The following ABHD3 variants were observed in gnomAD, a reference collection of about 807,000 sequenced individuals.
ABHD3 encodes the protein abhydrolase domain containing 3, phospholipase.
A neutral mutation model predicts 48.8 loss-of-function variants in ABHD3; 46 were observed. The observed-to-expected ratio is 0.94, with a 90% confidence interval of 0.74 to 1.20. ABHD3 has a LOEUF of 1.20. Ranked by LOEUF, ABHD3 falls within the 50% of genes most tolerant of loss-of-function variation. ABHD3 has a pLI of 0.00. For missense variants in ABHD3, 490 were observed against 497.8 expected (o/e 0.98, Z 0.15); for synonymous variants, 192 against 183.7 (o/e 1.04, Z -0.36).
At chr18:21,689,441 T>C (rs529365311) in intron 3 of ABHD3, among the ~76,000 whole-genome samples, 1 of 147,236 alleles carries the variant, frequency 6.8e-6, no homozygotes, top group South Asian at 2.1e-4. Context: ...CCCAGCTACT[T>C]GGGAGGCTGA....
chr18:21,675,262 G>GTTT (rs61119109), intron 4 of ABHD3, among the ~76,000 whole-genome samples: 145 of 85,470 alleles, frequency 1.7e-3, no homozygotes, highest in Non-Finnish European at 2.3e-3. Flanking sequence ...AATGAGGTGG[G>GTTT]TTTTTTTTTT....
At chr18:21,659,484 G>T in intron 5 of ABHD3, 141 bp from the exon 6 acceptor site, 1 of 744,540 alleles carries the variant, frequency 1.3e-6, no homozygotes, top group Non-Finnish European at 2.1e-6. Context: ...GGAAAAGCAT[G>T]CAAGCATCTT....
At chr18:21,672,634 T>A (rs1401604905) in intron 4 of ABHD3, among the ~76,000 whole-genome samples, 1 of 152,214 alleles carries the variant, frequency 6.6e-6, no homozygotes, top group Non-Finnish European at 1.5e-5. Context: ...ATAGGACTAA[T>A]TATGCTCCTT....
In ABHD3 at chr18:21,691,781, A is replaced by G. The variant is rs536692540; in HGVS notation, c.510-7816T>C. On this transcript the variant is annotated intron_variant, in intron 3 of 8. Transcript: ENST00000289119. ...AGTCCCAATGATATCACAGGTATGC[A>G]TTATCATATTAAGCAACAATCATGG... Among the ~76,000 whole-genome samples, 7 of 152,308 alleles carry G rather than the reference A, an allele frequency of 4.6e-5. No homozygotes were observed. In the South Asian group the frequency reaches 1.4e-3, roughly 32 times the overall value.
In ABHD3 at chr18:21,702,516, G is replaced by A; in HGVS notation, c.327-18C>T. 6.5e-7 allele frequency: 1 copy of A among 1,541,238 alleles called. No homozygotes were observed. The highest frequency in any genetic ancestry group is 1.4e-5 in the African/African-American group (1 of 72,656). ...TAAGTTCACTGAAAGGAATAATTCA[G>A]AAGACATTACTATTTACATGTTTTA... On this transcript the variant is annotated intron_variant, in intron 2 of 8. Coordinates refer to ENST00000289119, the MANE Select transcript of ABHD3 (RefSeq NM_138340.5).
chr18:21,700,980 C>CCAAGCCT lies in ABHD3; in HGVS notation c.509+1329_509+1335dup, dbSNP rs1491425637. Among the ~76,000 whole-genome samples, 50 of 127,564 alleles carry CCAAGCCT rather than the reference C, an allele frequency of 3.9e-4. 1 individual carries two copies. In the East Asian group the frequency reaches 9.8e-3, roughly 25 times the overall value. The allele number at this position is 127,564 out of a possible 152,430, so 83.7% of individuals were successfully genotyped here. A position where few individuals can be genotyped will look rare whatever the true frequency, so the allele number is the denominator to read the frequency against. On this transcript the variant is annotated intron_variant, in intron 3 of 8. Coordinates refer to ENST00000289119, the MANE Select transcript of ABHD3 (RefSeq NM_138340.5). The stretch of plus-strand genomic sequence containing the variant: ...AAAAAAAAAAAAAAAAAAAAAGGAA[C>CCAAGCCT]CAAGCCTCACATCTAACTGTATGGT...
At chr18:21,703,864 C>A in intron 1 of ABHD3, 117 bp from the exon 2 acceptor site, 1 of 1,162,592 alleles carries the variant, frequency 8.6e-7, no homozygotes, top group Non-Finnish European at 1.2e-6. Context: ...ACAACTCTTT[C>A]TGGAGGGCTG....
chr18:21,691,604 T>C (rs949621125), intron 3 of ABHD3, among the ~76,000 whole-genome samples: 4 of 152,222 alleles, frequency 2.6e-5, no homozygotes, highest in Non-Finnish European at 5.9e-5. Flanking sequence ...TAACTCATGA[T>C]TATCATATGG....
chr18:21,685,761 G>A (rs1245521008), intron 3 of ABHD3, among the ~76,000 whole-genome samples: 1 of 152,076 alleles, frequency 6.6e-6, no homozygotes, highest in Non-Finnish European at 1.5e-5. Flanking sequence ...GCAGTGACAT[G>A]ATCTCGGCTC....
At chr18:21,668,237 A>T (rs995538000) in intron 4 of ABHD3, among the ~76,000 whole-genome samples, 1 of 151,390 alleles carries the variant, frequency 6.6e-6, no homozygotes, top group Admixed American at 6.6e-5. Context: ...AAAAGAAAAG[A>T]AAATATCTTC....
intron 5 of ABHD3, among the ~76,000 whole-genome samples, chr18:21,661,535 G>T (rs2039497389): frequency 6.6e-6 from 1 of 151,958 alleles, no homozygotes; most frequent in African/African-American, 2.4e-5. Flanking sequence ...TGAGGCTGAA[G>T]CAGGAGAATC....
At chr18:21,677,985 G>A (rs1184222485) in intron 4 of ABHD3, among the ~76,000 whole-genome samples, 1 of 149,462 alleles carries the variant, frequency 6.7e-6, no homozygotes, top group Non-Finnish European at 1.5e-5. Flanking sequence ...TTAGAGACAG[G>A]GTCTCTGTTG....
Position 21,659,273 on chromosome 18 carries a change from C to T in ABHD3, c.739G>A (p.Val247Ile), listed in dbSNP as rs142326991. ...TPLMAAATFS[V>I]GWNTFACSES... ...GAGCAAGCGAAGGTGTTCCAACCAACGGAAAAAGTTGCAGCTGCCATCAAA... is the reference window on the plus strand; with the variant it reads ...GAGCAAGCGAAGGTGTTCCAACCAATGGAAAAAGTTGCAGCTGCCATCAAA... Residue 247 changes from valine to isoleucine, a missense_variant, in exon 6 of 9, where the codon GTT becomes ATT. Physicochemically the swap from Val to Ile is conservative, Grantham distance 29. Transcript: ENST00000289119. 46 of 1,613,480 alleles carry T rather than the reference C, an allele frequency of 2.9e-5. No homozygotes were observed. The African/African-American group carries it at 2.9e-4, about 10-fold the overall frequency.
intron 3 of ABHD3, among the ~76,000 whole-genome samples, chr18:21,685,538 TG>T (rs1251513486): frequency 6.6e-6 from 1 of 152,240 alleles, no homozygotes; most frequent in East Asian, 1.9e-4. Flanking sequence ...TAAATCTTTT[TG>T]TTTTTTGAGA....
chr18:21,703,223 C>A lies in ABHD3; in HGVS notation c.326+361G>T, dbSNP rs561734449. 1.6e-4 allele frequency among the ~76,000 whole-genome samples: 20 copies of A among 127,664 alleles called. 1 individual carries two copies. The highest frequency in any genetic ancestry group is 9.6e-4 in the South Asian group (3 of 3,116). The allele number at this position is 127,664 out of a possible 152,430, so 83.8% of individuals were successfully genotyped here. A position where few individuals can be genotyped will look rare whatever the true frequency, so the allele number is the denominator to read the frequency against. Reference sequence around the variant, plus strand: ...AGTGGCATCCTTCTCACCCCACCCCCCCCCCCAGTATCTGCTACTTATCAA... The same window carrying A: ...AGTGGCATCCTTCTCACCCCACCCCACCCCCCAGTATCTGCTACTTATCAA... On this transcript the variant is annotated intron_variant, in intron 2 of 8. Transcript: ENST00000289119.
At chr18:21,680,576 C>T (rs2039981835) in intron 4 of ABHD3, among the ~76,000 whole-genome samples, 1 of 152,024 alleles carries the variant, frequency 6.6e-6, no homozygotes, top group African/African-American at 2.4e-5. Context: ...CACATATTTG[C>T]TGGGGGGTAC....
At chr18:21,660,662 C>T (rs1300953736) in intron 5 of ABHD3, among the ~76,000 whole-genome samples, 3 of 152,040 alleles carry the variant, frequency 2.0e-5, no homozygotes, top group Non-Finnish European at 4.4e-5. Context: ...AAAATTCCCC[C>T]TCATTCTTTT....
intron 6 of ABHD3, among the ~76,000 whole-genome samples, chr18:21,657,843 T>G (rs948799173): frequency 2.6e-5 from 4 of 152,068 alleles, no homozygotes; most frequent in Non-Finnish European, 4.4e-5. Context: ...CATAAATATA[T>G]ACACCTACTA....
At chr18:21,674,621 T>C (rs1445443774) in intron 4 of ABHD3, among the ~76,000 whole-genome samples, 2 of 152,130 alleles carry the variant, frequency 1.3e-5, no homozygotes, top group African/African-American at 2.4e-5. Context: ...TTCTCAAGGA[T>C]TAAATGTGTT....
Sources: allele counts gnomAD v4.1 joint callset (sites outside exome capture counted in the v4.1 genomes callset), GRCh38; gene constraint gnomAD v4.1.1; transcripts MANE v1.5; gene names NCBI Gene and HGNC (gene_info 2026-07-23, HGNC 2026-07-21).